CABP1: variants seen among roughly 807,000 people sequenced by gnomAD.
CABP1 encodes the protein calcium binding protein 1.
A neutral mutation model predicts 34.3 loss-of-function variants in CABP1; 17 were observed. That is an observed-to-expected ratio of 0.50 (90% CI 0.34 to 0.74). CABP1 has a LOEUF of 0.74. Ranked by LOEUF, CABP1 falls within the 30% of genes least tolerant of loss-of-function variation. The pLI, the probability that CABP1 is intolerant of heterozygous loss-of-function variation, is 0.01. For missense variants in CABP1, 373 were observed against 511.1 expected, an observed-to-expected ratio of 0.73 and a Z score of 2.61; for synonymous variants, 198 against 229.2, an observed-to-expected ratio of 0.86 and a Z score of 1.23.
chr12:120,664,719 C>CA (rs984251449), intron 5 of CABP1, among the ~76,000 whole-genome samples: 17 of 151,448 alleles, frequency 1.1e-4, no homozygotes, highest in African/African-American at 2.7e-4. Context: ...ATTAAAAATA[C>CA]AAAAAAAATT....
At chr12:120,642,685 T>C (rs1207183376) in intron 1 of CABP1, among the ~76,000 whole-genome samples, 1 of 151,894 alleles carries the variant, frequency 6.6e-6, no homozygotes, top group Non-Finnish European at 1.5e-5. Flanking sequence ...AATGAGGAGG[T>C]GTAGGCTGCC....
chr12:120,668,615 G>A (rs1351903997), downstream of CABP1, among the ~76,000 whole-genome samples: 2 of 152,224 alleles, frequency 1.3e-5, no homozygotes, highest in African/African-American at 4.8e-5. Flanking sequence ...GGATGATAAA[G>A]GATGGGGTCA....
At position 120,641,084 on chromosome 12, in the gene CABP1, G is replaced by A; in HGVS notation, c.399G>A (p.Gly133=). 2.5e-6 allele frequency: 3 copies of A among 1,199,020 alleles called. No homozygotes were observed. The highest frequency in any genetic ancestry group is 3.5e-5 in the East Asian group (1 of 28,614). 74.3% of individuals were successfully genotyped at this position (1,199,020 alleles called of 1,614,324 possible). ...CGCCGCGAGAGGAGGGCGCGCGGGG[G>A]AGCCAGCGTGTGCTCCCCCAGGCGC... The part of the protein sequence containing the change: ...RPAPREEGAR[G]SQRVLPQAHC... The change falls in exon 1 of 6, where the codon GGG becomes GGA. Residue 133 remains glycine, a synonymous_variant. Coordinates refer to ENST00000316803, the MANE Select transcript of CABP1 (RefSeq NM_001033677.2). The surrounding 1 kb of genome is among the most constrained non-coding windows in gnomAD (Gnocchi z 6.7).
At chr12:120,650,306 G>C in intron 1 of CABP1, 1 of 387,592 alleles carries the variant, frequency 2.6e-6, no homozygotes, top group Non-Finnish European at 4.6e-6. Flanking sequence ...TCTCCAGCTT[G>C]GTTCCCCTCT....
chr12:120,679,083 A>AC, the CABP1 span, among the ~76,000 whole-genome samples: 2 of 151,570 alleles, frequency 1.3e-5, no homozygotes, highest in Non-Finnish European at 2.9e-5. Flanking sequence ...CAAAAAAAAA[A>AC]AAAAAAAAAA....
At chr12:120,666,825 G>A (rs780213777) in intron 5 of CABP1, 50 bp from the exon 6 acceptor site, 6 of 1,575,500 alleles carry the variant, frequency 3.8e-6, no homozygotes, top group African/African-American at 1.3e-5. Context: ...AGCAACCTGG[G>A]GAGGCCTCTG....
At chr12:120,671,944 T>C (rs1881263599), downstream of CABP1, among the ~76,000 whole-genome samples, 3 of 152,136 alleles carry the variant, frequency 2.0e-5, no homozygotes, top group African/African-American at 4.8e-5. Context: ...TGCATGTACC[T>C]GTAGTCCCAG....
rs770998276 is a variant in CABP1 at position 120,656,321 on chromosome 12, G to A, written c.655-3557G>A. 6 of 1,467,438 alleles carry A rather than the reference G, an allele frequency of 4.1e-6. No individual in the cohort carries two copies. The East Asian group carries it at 1.2e-4, about 30-fold the overall frequency. 90.9% of individuals were successfully genotyped at this position (1,467,438 alleles called of 1,614,324 possible). ...CCCGCTGAACTTGGCTTCACAGGGC[G>A]TGAGGAGGTGCTGGGATGAAGAAGG... On this transcript the variant is annotated intron_variant, in intron 1 of 5. Coordinates refer to ENST00000316803, the MANE Select transcript of CABP1 (RefSeq NM_001033677.2).
chr12:120,663,615 T>C (rs946055204), intron 5 of CABP1, among the ~76,000 whole-genome samples: 2 of 152,232 alleles, frequency 1.3e-5, no homozygotes, highest in Non-Finnish European at 2.9e-5. Context: ...GTAATCATAA[T>C]AGTTATAATT....
At chr12:120,677,301 T>C in the CABP1 span, among the ~76,000 whole-genome samples, 1 of 151,720 alleles carries the variant, frequency 6.6e-6, no homozygotes, top group South Asian at 2.1e-4. Flanking sequence ...TTGACCAGGC[T>C]GGTCTTGAAC....
chr12:120,657,923 T>C (rs1350555882), intron 1 of CABP1, among the ~76,000 whole-genome samples: 3 of 152,186 alleles, frequency 2.0e-5, no homozygotes, highest in Non-Finnish European at 4.4e-5. Context: ...GGGCGTGTGC[T>C]CTGCATGTAT....
intron 1 of CABP1, chr12:120,656,104 G>A: frequency 6.2e-7 from 1 of 1,614,216 alleles, no homozygotes; most frequent in Non-Finnish European, 8.5e-7. Context: ...TGTGCCAGGA[G>A]GAACAGACCA....
chr12:120,661,188 C>T lies in CABP1; in HGVS notation c.1057C>T (p.Leu353Phe), dbSNP rs1274434554. 6 of 1,611,168 alleles carry T rather than the reference C, an allele frequency of 3.7e-6. No individual in the cohort carries two copies. The highest frequency in any genetic ancestry group is 5.1e-6 in the Non-Finnish European group (6 of 1,179,890). ...AGAGGAAATTATCCGAGATGTGGAC[C>T]TCAATGGGGATGGACGAGTGGACTT... ...DIEEIIRDVDLNGDGRVDFEE... is the reference protein window; with the variant it reads ...DIEEIIRDVDFNGDGRVDFEE... Residue 353 changes from leucine (L) to phenylalanine (F), a missense_variant, in exon 5 of 6, where the codon CTC (leucine) becomes TTC (phenylalanine). By Grantham distance (22) the Leu-to-Phe change is conservative. Transcript: ENST00000316803. This position sits in a 1 kb window ranked among gnomAD's most constrained non-coding sequence, Gnocchi z 5.1.
chr12:120,649,235 C>T (rs1056422429), intron 1 of CABP1, among the ~76,000 whole-genome samples: 1 of 152,174 alleles, frequency 6.6e-6, no homozygotes, highest in Non-Finnish European at 1.5e-5. Flanking sequence ...CCCCACCCAT[C>T]TTCCTAACAG....
chr12:120,678,552 G>A, the CABP1 span, among the ~76,000 whole-genome samples: 18 of 152,068 alleles, frequency 1.2e-4, 1 homozygote, highest in South Asian at 4.1e-4. Context: ...GGCCAGGCAC[G>A]CTGTGAATGG....
rs548274221 is a variant in CABP1 at position 120,666,175 on chromosome 12, G to T, written c.1088-700G>T. Among the ~76,000 whole-genome samples, 18 of 147,658 alleles carry T rather than the reference G, an allele frequency of 1.2e-4. No individual in the cohort carries two copies. The South Asian group carries it at 3.9e-3, about 32-fold the overall frequency. On this transcript the variant is annotated intron_variant, in intron 5 of 5. Transcript: ENST00000316803. ...ATCATGCCACTGCACTTCAGCGTGG[G>T]CGACAGAGGGAGACTCTGTCTCTAC...
At chr12:120,651,182 AC>A (rs1555235154) in intron 1 of CABP1, among the ~76,000 whole-genome samples, 1 of 9,656 alleles carries the variant, frequency 1.0e-4, no homozygotes, top group Non-Finnish European at 1.7e-4. Context: ...AAGGAACCAA[AC>A]AACAATAATT....
the CABP1 span, among the ~76,000 whole-genome samples, chr12:120,679,261 A>C: frequency 2.0e-5 from 3 of 152,160 alleles, no homozygotes; most frequent in South Asian, 6.2e-4. Context: ...TGTGATTTGC[A>C]CCAAACTATG....
chr12:120,641,042 G>A lies in CABP1; in HGVS notation c.357G>A (p.Arg119=). 1 of 1,179,422 alleles carries A rather than the reference G, an allele frequency of 8.5e-7. No individual in the cohort carries two copies. The highest frequency in any genetic ancestry group is 1.0e-6 in the Non-Finnish European group (1 of 954,472). 73.1% of individuals were successfully genotyped at this position (1,179,422 alleles called of 1,614,324 possible). Residue 119 remains arginine, a synonymous_variant, in exon 1 of 6, where the codon AGG becomes AGA. Transcript: ENST00000316803. The surrounding 1 kb of genome is among the most constrained non-coding windows in gnomAD (Gnocchi z 6.7). Reference sequence around the variant, plus strand: ...CGTCCGGGGACCCCAGTTCGCGGAGGCCCCTGTGCCGGCCGGCGCCGCGAG... The same window carrying A: ...CGTCCGGGGACCCCAGTTCGCGGAGACCCCTGTGCCGGCCGGCGCCGCGAG... The part of the protein sequence containing the change: ...PQSSGDPSSR[R]PLCRPAPREE...
Sources: allele counts gnomAD v4.1 joint callset (sites outside exome capture counted in the v4.1 genomes callset), GRCh38; gene constraint gnomAD v4.1.1; non-coding constraint Gnocchi (gnomAD v3.1); transcripts MANE v1.5; gene names NCBI Gene and HGNC (gene_info 2026-07-23, HGNC 2026-07-21).